BMPR1B: variants seen among roughly 807,000 people sequenced by gnomAD.
The protein encoded by BMPR1B is bone morphogenetic protein receptor type 1B, also known as bone morphogenetic protein receptor type-1B.
BMPR1B carries 12 observed loss-of-function variants against 59.1 expected under a neutral mutation model. The observed-to-expected ratio is 0.20, with a 90% CI of 0.13 to 0.33. BMPR1B has a LOEUF of 0.33. BMPR1B is among the 10% of genes least tolerant of loss of function. BMPR1B has a pLI of 1.00. For missense variants in BMPR1B, 550 were observed against 610.9 expected (o/e 0.90, Z 1.05); for synonymous variants, 237 against 207.3 (o/e 1.14, Z -1.23).
At chr4:94,776,471 A>G (rs1390700396) in intron 1 of BMPR1B, among the ~76,000 whole-genome samples, 4 of 152,170 alleles carry the variant, frequency 2.6e-5, no homozygotes, top group African/African-American at 9.7e-5. Context: ...CATTTTGCTC[A>G]CTTACATAAT....
intron 3 of BMPR1B, among the ~76,000 whole-genome samples, chr4:95,030,077 T>C (rs1334677955): frequency 1.3e-5 from 2 of 151,576 alleles, no homozygotes; most frequent in African/African-American, 2.4e-5. Context: ...GCCTGTTCAC[T>C]CTGATGGTAG....
At chr4:95,146,084 A>T (rs958944082) in intron 10 of BMPR1B, among the ~76,000 whole-genome samples, 2 of 152,224 alleles carry the variant, frequency 1.3e-5, no homozygotes, top group African/African-American at 4.8e-5. Context: ...AATGACTATG[A>T]CAAGTATTTG....
intron 2 of BMPR1B, among the ~76,000 whole-genome samples, chr4:94,894,178 C>T (rs530163214): frequency 1.2e-4 from 19 of 152,016 alleles, no homozygotes; most frequent in African/African-American, 2.7e-4. Context: ...TTTTTTCCAA[C>T]GAGATGCATA....
intron 2 of BMPR1B, among the ~76,000 whole-genome samples, chr4:94,876,208 C>CT (rs1296563459): frequency 1.3e-5 from 2 of 152,152 alleles, no homozygotes; most frequent in Non-Finnish European, 2.9e-5. Flanking sequence ...TGGTAATAAC[C>CT]TTTTACCAAC....
intron 1 of BMPR1B, among the ~76,000 whole-genome samples, chr4:94,849,676 T>G (rs950242874): frequency 6.6e-6 from 1 of 151,814 alleles, no homozygotes; most frequent in Admixed American, 6.6e-5. Flanking sequence ...GGGGATGGGC[T>G]CAGGTAGGTA....
intron 10 of BMPR1B, among the ~76,000 whole-genome samples, chr4:95,138,242 T>C (rs555115243): frequency 3.9e-5 from 6 of 152,324 alleles, no homozygotes; most frequent in South Asian, 2.1e-4. Context: ...GCCCCCACTC[T>C]CTTCTGGCTT....
chr4:94,808,223 A>G (rs997786307), intron 1 of BMPR1B, among the ~76,000 whole-genome samples: 1 of 152,162 alleles, frequency 6.6e-6, no homozygotes, highest in Non-Finnish European at 1.5e-5. Context: ...CTCAATATAC[A>G]AAATGTGGGA....
rs1431919708 is a variant in BMPR1B, at chr4:95,073,037, A to G, written c.-17-31371A>G. ...CTACTTCACAGTTGAGTCTTTTATG[A>G]AGGTAGCTTTCTAAAAATCTATCTG... On this transcript the variant is annotated intron_variant, in intron 3 of 12. Coordinates refer to ENST00000515059, the MANE Select transcript of BMPR1B (RefSeq NM_001203.3). 2.6e-5 allele frequency among the ~76,000 whole-genome samples: 4 copies of G among 152,296 alleles called. No individual in the cohort carries two copies. In the South Asian group the frequency reaches 6.2e-4, roughly 24 times the overall value.
chr4:94,844,253 G>T lies in BMPR1B; in HGVS notation c.-182-31578G>T, dbSNP rs187458091. Among the ~76,000 whole-genome samples the T allele has an allele frequency of 7.8e-3, 1,000 of 128,802 alleles. 10 individuals are homozygous for T. Among genetic ancestry groups the T allele is most frequent in the African/African-American group, 0.031 (933 of 30,530 alleles). 84.5% of individuals were successfully genotyped at this position (128,802 alleles called of 152,430 possible). On this transcript the variant is annotated intron_variant, in intron 1 of 12. Transcript: ENST00000515059. ...TGTGTGTGTGTGTGTGTGTGTGTGT[G>T]TGTGAATCTTCTAGTTCGACTCTTC...
intron 3 of BMPR1B, among the ~76,000 whole-genome samples, chr4:95,057,729 G>A (rs538407233): frequency 6.6e-6 from 1 of 152,158 alleles, no homozygotes; most frequent in Admixed American, 6.5e-5. Flanking sequence ...CCTTTAACAT[G>A]GCTACTCTTG....
At chr4:95,113,465 A>G (rs1400791330) in intron 4 of BMPR1B, among the ~76,000 whole-genome samples, 1 of 152,184 alleles carries the variant, frequency 6.6e-6, no homozygotes, top group Non-Finnish European at 1.5e-5. Flanking sequence ...ACTAAGACAG[A>G]ATAGACAAAC....
chr4:94,992,322 C>A (rs977158194), intron 2 of BMPR1B, among the ~76,000 whole-genome samples: 1 of 152,192 alleles, frequency 6.6e-6, no homozygotes, highest in East Asian at 1.9e-4. Context: ...CAAATCCGTC[C>A]TGAGTTTGTG....
chr4:94,876,243 A>T (rs1726727502), intron 2 of BMPR1B, among the ~76,000 whole-genome samples: 3 of 152,094 alleles, frequency 2.0e-5, no homozygotes, highest in Admixed American at 2.0e-4. Context: ...TCACGATAAC[A>T]TGTTTCAGGT....
intron 1 of BMPR1B, among the ~76,000 whole-genome samples, chr4:94,790,681 C>A (rs1327145809): frequency 6.6e-6 from 1 of 152,180 alleles, no homozygotes; most frequent in Non-Finnish European, 1.5e-5. Context: ...TATCTTCCTA[C>A]AGTTAATTGA....
At chr4:94,898,599 T>C (rs562744577) in intron 2 of BMPR1B, among the ~76,000 whole-genome samples, 1 of 152,212 alleles carries the variant, frequency 6.6e-6, no homozygotes, top group African/African-American at 2.4e-5. Context: ...ATTGTTAGCT[T>C]TCTGAGGCCT....
chr4:94,910,826 T>G (rs1256682951), intron 2 of BMPR1B, among the ~76,000 whole-genome samples: 5 of 152,004 alleles, frequency 3.3e-5, no homozygotes, highest in Admixed American at 3.3e-4. Context: ...GCAGGAGGAT[T>G]GCTTGAGCCC....
chr4:94,904,536 A>G (rs1727959655), intron 2 of BMPR1B, among the ~76,000 whole-genome samples: 1 of 152,036 alleles, frequency 6.6e-6, no homozygotes, highest in Admixed American at 6.6e-5. Flanking sequence ...GTTAGTTTTA[A>G]TTCAGCCACC....
chr4:94,959,719 A>T (rs1010431383), intron 2 of BMPR1B, among the ~76,000 whole-genome samples: 7 of 152,154 alleles, frequency 4.6e-5, no homozygotes, highest in Non-Finnish European at 1.0e-4. Flanking sequence ...TACTTTGGCC[A>T]GTGAAGTTTT....
chr4:94,859,271 A>T (rs182093751), intron 1 of BMPR1B, among the ~76,000 whole-genome samples: 254 of 148,994 alleles, frequency 1.7e-3, no homozygotes, highest in South Asian at 9.8e-3. Flanking sequence ...ATAATTTTTT[A>T]AAAAAAGAAT....
Sources: gnomAD v4.1 joint callset for allele counts (sites outside exome capture counted in the v4.1 genomes callset) on GRCh38, gnomAD v4.1.1 for gene constraint, MANE v1.5 for transcripts, NCBI Gene and HGNC (gene_info 2026-07-23, HGNC 2026-07-21) for gene names.